CNTROB: variants seen among roughly 807,000 people sequenced by gnomAD.
The protein encoded by CNTROB is centrobin, centriole duplication and spindle assembly protein, also known as centrobin.
In CNTROB, 82 loss-of-function variants were observed where a neutral mutation model predicts 115.7. The observed-to-expected ratio is 0.71, with a 90% CI of 0.59 to 0.85. The LOEUF (loss-of-function observed/expected upper bound fraction) is 0.85, where lower values mean the gene tolerates loss of function less well. Among genes scored for constraint, CNTROB ranks in the 40% least tolerant of loss-of-function variants. CNTROB has a pLI of 0.00. For missense variants in CNTROB, 1,014 were observed against 1,144.4 expected, an observed-to-expected ratio of 0.89 and a Z score of 1.64; for synonymous variants, 439 against 456.4, an observed-to-expected ratio of 0.96 and a Z score of 0.49.
At chr17:7,937,068 G>A (rs769508213) in intron 6 of CNTROB, 96 bp from the exon 7 acceptor site, 53 of 1,470,784 alleles carry the variant, frequency 3.6e-5, no homozygotes, top group Non-Finnish European at 4.8e-5. Context: ...TTAGTTAACT[G>A]TGAAGTTTCA....
chr17:7,949,704 A>G lies in CNTROB; in HGVS notation c.*194A>G. The G allele has an allele frequency of 2.1e-6, 1 of 484,882 alleles. No homozygotes were observed. The highest frequency in any genetic ancestry group is 3.4e-6 in the Non-Finnish European group (1 of 289,924). 30.0% of individuals were successfully genotyped at this position (484,882 alleles called of 1,614,324 possible). A position where few individuals can be genotyped will look rare whatever the true frequency, so the allele number is the denominator to read the frequency against. ...ATGTTTATATGTCATTTCCTGTGGGAAAAGACATGAATGCTTTGGAAGACG... is the reference window on the plus strand; with the variant it reads ...ATGTTTATATGTCATTTCCTGTGGGGAAAGACATGAATGCTTTGGAAGACG... On this transcript the variant is annotated 3_prime_UTR_variant, in exon 19 of 19. Coordinates refer to ENST00000563694, the MANE Select transcript of CNTROB (RefSeq NM_053051.5).
Position 7,944,006 on chromosome 17 carries a change from C to A in CNTROB, c.1446-117C>A. Reference sequence around the variant, plus strand: ...TCCTTGCCGCTTCCTGTGCCATGGCCAGGCTAGCTGACTGGCTATCTGGGT... The same window carrying A: ...TCCTTGCCGCTTCCTGTGCCATGGCAAGGCTAGCTGACTGGCTATCTGGGT... On this transcript the variant is annotated intron_variant, in intron 10 of 18. Coordinates refer to ENST00000563694, the MANE Select transcript of CNTROB (RefSeq NM_053051.5). The surrounding 1 kb of genome is among the most constrained non-coding windows in gnomAD (Gnocchi z 4.0). 2 of 741,432 alleles carry A rather than the reference C, an allele frequency of 2.7e-6. No homozygotes were observed. Among genetic ancestry groups the A allele is most frequent in the Non-Finnish European group, 4.6e-6 (2 of 433,342 alleles). 45.9% of individuals were successfully genotyped at this position (741,432 alleles called of 1,614,324 possible).
intron 1 of CNTROB, among the ~76,000 whole-genome samples, chr17:7,933,582 G>A (rs1385888638): frequency 1.3e-5 from 2 of 152,156 alleles, no homozygotes; most frequent in Non-Finnish European, 2.9e-5. Flanking sequence ...TCTCTGCTCC[G>A]AGTAGATAGA....
intron 9 of CNTROB, among the ~76,000 whole-genome samples, chr17:7,941,033 C>T (rs1973790538): frequency 1.3e-5 from 2 of 152,122 alleles, no homozygotes; most frequent in Admixed American, 1.3e-4. Flanking sequence ...GGCTGTAGTT[C>T]GCCGATCTCC....
chr17:7,946,864 T>C (rs555388405), intron 13 of CNTROB, among the ~76,000 whole-genome samples: 86 of 114,076 alleles, frequency 7.5e-4, no homozygotes, highest in Non-Finnish European at 1.2e-3. Context: ...CAAGACTCTG[T>C]CTCTTAAAAA....
Position 7,944,710 on chromosome 17 carries a change from C to CAAA in CNTROB, c.1734+73_1734+74insAAA. 1 of 1,525,112 alleles carries CAAA rather than the reference C, an allele frequency of 6.6e-7. No individual in the cohort carries two copies. The highest frequency in any genetic ancestry group is 8.8e-7 in the Non-Finnish European group (1 of 1,131,806). The allele number at this position is 1,525,112 out of a possible 1,614,324, so 94.5% of individuals were successfully genotyped here. On this transcript the variant is annotated intron_variant, in intron 12 of 18. Transcript: ENST00000563694. This position sits in a 1 kb window ranked among gnomAD's most constrained non-coding sequence, Gnocchi z 4.0. ...TATTTTTATTTTTGAGACAGGGTCT[C>CAAA]ACTCTTGCCCAGGCTGGAGTGTACT...
At chr17:7,932,120 C>T (rs890541408), upstream of CNTROB, 4 of 496,260 alleles carry the variant, frequency 8.1e-6, no homozygotes, top group Admixed American at 3.5e-5. Flanking sequence ...CGGCCAGGCG[C>T]TCGGGATACA....
chr17:7,946,016 C>G, intron 13 of CNTROB, 30 bp downstream of exon 13: 1 of 1,604,050 alleles, frequency 6.2e-7, no homozygotes, highest in Non-Finnish European at 8.5e-7. Flanking sequence ...ACTGGGGTTC[C>G]CCTTCTGTGC....
At position 7,939,916 on chromosome 17, in the gene CNTROB, T is replaced by C. The variant is rs1973650925; in HGVS notation, c.1164+167T>C. ...AGAGTATAGGGCCAGCAGGAAGGGC[T>C]GGGGGTAATGAATACGTGAAAGGCC... is the stretch of plus-strand genomic sequence containing the variant. On this transcript the variant is annotated intron_variant, in intron 8 of 18. Transcript: ENST00000563694. The surrounding 1 kb of genome is among the most constrained non-coding windows in gnomAD (Gnocchi z 4.4). 1.3e-5 allele frequency among the ~76,000 whole-genome samples: 2 copies of C among 151,966 alleles called. No homozygotes were observed. The highest frequency in any genetic ancestry group is 4.8e-5 in the African/African-American group (2 of 41,346).
intron 9 of CNTROB, among the ~76,000 whole-genome samples, chr17:7,941,219 A>G (rs1359472966): frequency 6.6e-6 from 1 of 152,120 alleles, no homozygotes; most frequent in Non-Finnish European, 1.5e-5. Flanking sequence ...AAATTGATGA[A>G]TTTTCCAGGT....
rs1323931662 is a variant in CNTROB at position 7,948,592 on chromosome 17, T to C, written c.2486T>C (p.Leu829Pro). The C allele has an allele frequency of 1.2e-6, 2 of 1,614,168 alleles. No individual in the cohort carries two copies. Among genetic ancestry groups the C allele is most frequent in the Admixed American group, 1.7e-5 (1 of 60,028 alleles). Residue 829 changes from leucine to proline, a missense_variant, in exon 17 of 19, where the codon CTC (leucine) becomes CCC (proline). Leu to Pro is a moderately conservative substitution (Grantham distance 98). Coordinates refer to ENST00000563694, the MANE Select transcript of CNTROB (RefSeq NM_053051.5). The surrounding 1 kb of genome is among the most constrained non-coding windows in gnomAD (Gnocchi z 4.4). ...WGALPAEDLL[L>P]YLKRLEHSGT... Reference sequence around the variant, plus strand: ...GCTCTGCCTGCTGAGGATCTCCTGCTCTACCTGAAGAGGCTGGAACACAGC... The same window carrying C: ...GCTCTGCCTGCTGAGGATCTCCTGCCCTACCTGAAGAGGCTGGAACACAGC...
rs1273731208 is a variant in CNTROB at position 7,940,197 on chromosome 17, T to G, written c.1266T>G (p.Ala422=). 1 of 1,612,334 alleles carries G rather than the reference T, an allele frequency of 6.2e-7. No homozygotes were observed. Among genetic ancestry groups the G allele is most frequent in the South Asian group, 1.1e-5 (1 of 90,982 alleles). Residue 422 remains alanine, a synonymous_variant, in exon 9 of 19, where the codon GCT becomes GCG. Transcript: ENST00000563694. ...VRRLEGELDT[A]RRERDALQLE... is the part of the protein sequence containing the mutation. Reference sequence around the variant, plus strand: ...GGCTGGAAGGAGAGCTGGATACAGCTCGGAGAGAGAGAGATGCCCTGCAGC... The same window carrying G: ...GGCTGGAAGGAGAGCTGGATACAGCGCGGAGAGAGAGAGATGCCCTGCAGC...
At position 7,934,978 on chromosome 17, in the gene CNTROB, G is replaced by C. The variant is rs757822191; in HGVS notation, c.438-11G>C. 6.4e-7 allele frequency: 1 copy of C among 1,563,692 alleles called. No homozygotes were observed. On this transcript the variant is annotated splice_polypyrimidine_tract_variant and intron_variant, in intron 3 of 18. Transcript: ENST00000563694. ...TTCCCAGCCCTAACATTCTCTACCTGATTTGCTCAGCACCCGGCCCCTGCA... is the reference window on the plus strand; with the variant it reads ...TTCCCAGCCCTAACATTCTCTACCTCATTTGCTCAGCACCCGGCCCCTGCA...
At position 7,948,499 on chromosome 17, in the gene CNTROB, T is replaced by C; in HGVS notation, c.2393T>C (p.Leu798Pro). The C allele has an allele frequency of 6.2e-7, 1 of 1,614,072 alleles. No individual in the cohort carries two copies. The highest frequency in any genetic ancestry group is 1.1e-5 in the South Asian group (1 of 91,074). The change falls in exon 17 of 19, where the codon CTT (leucine) becomes CCT (proline). Residue 798 changes from leucine to proline, a missense_variant. Transcript: ENST00000563694. The surrounding 1 kb of genome is among the most constrained non-coding windows in gnomAD (Gnocchi z 4.4). ...CGATGTCTGTCAGGTGGAGATGGGCTTACATTCCCAAGGCAGCTGATGGAG... is the reference window on the plus strand; with the variant it reads ...CGATGTCTGTCAGGTGGAGATGGGCCTACATTCCCAAGGCAGCTGATGGAG... ...SGSPERGGDGLTFPRQLMEVS... is the reference protein window; with the variant it reads ...SGSPERGGDGPTFPRQLMEVS...
Position 7,948,319 on chromosome 17 carries a change from C to G in CNTROB, c.2372C>G (p.Pro791Arg). The change falls in exon 16 of 19, where the codon CCA becomes CGA. Residue 791 changes from proline to arginine, a missense_variant. Transcript: ENST00000563694. The surrounding 1 kb of genome is among the most constrained non-coding windows in gnomAD (Gnocchi z 4.4). ...SQGSGPSSGS[P>R]ERGGDGLTFP... ...GGCAGTGGTCCCAGCAGTGGTTCCC[C>G]AGAGAGAGGTGAGCATGTTCTGGTT... 6.2e-7 allele frequency: 1 copy of G among 1,614,086 alleles called. No individual in the cohort carries two copies. The highest frequency in any genetic ancestry group is 8.5e-7 in the Non-Finnish European group (1 of 1,179,982).
At chr17:7,938,693 C>T (rs1376359715) in intron 7 of CNTROB, among the ~76,000 whole-genome samples, 1 of 152,202 alleles carries the variant, frequency 6.6e-6, no homozygotes, top group African/African-American at 2.4e-5. Flanking sequence ...AACCAGGATT[C>T]GAACCTGAGA....
rs1297437566 is a variant in CNTROB, at chr17:7,948,454, G to A, written c.2381-33G>A. 1 of 1,612,822 alleles carries A rather than the reference G, an allele frequency of 6.2e-7. No homozygotes were observed. Among genetic ancestry groups the A allele is most frequent in the African/African-American group, 1.3e-5 (1 of 74,912 alleles). On this transcript the variant is annotated intron_variant, in intron 16 of 18. Coordinates refer to ENST00000563694, the MANE Select transcript of CNTROB (RefSeq NM_053051.5). The surrounding 1 kb of genome is among the most constrained non-coding windows in gnomAD (Gnocchi z 4.4). ...TGAGGGCTGGGGAGACAGGCCCTAG[G>A]ATGACGCCTGTGATTATTGCGATGT... is the stretch of plus-strand genomic sequence containing the variant.
rs1424126632 is a variant in CNTROB at position 7,939,901 on chromosome 17, G to A, written c.1164+152G>A. The A allele has an allele frequency of 6.8e-6, 7 of 1,031,846 alleles. No individual in the cohort carries two copies. In the East Asian group the frequency reaches 1.7e-4, roughly 25 times the overall value. The allele number at this position is 1,031,846 out of a possible 1,614,324, so 63.9% of individuals were successfully genotyped here. A position where few individuals can be genotyped will look rare whatever the true frequency, so the allele number is the denominator to read the frequency against. On this transcript the variant is annotated intron_variant, in intron 8 of 18. Coordinates refer to ENST00000563694, the MANE Select transcript of CNTROB (RefSeq NM_053051.5). The surrounding 1 kb of genome is among the most constrained non-coding windows in gnomAD (Gnocchi z 4.4). The stretch of plus-strand genomic sequence containing the variant: ...TGGGAGACAAGGTTGAGAGTATAGG[G>A]CCAGCAGGAAGGGCTGGGGGTAATG...
rs763407588 is a variant in CNTROB at position 7,933,168 on chromosome 17, T to C, written c.89T>C (p.Val30Ala). 4 of 1,613,994 alleles carry C rather than the reference T, an allele frequency of 2.5e-6. No individual in the cohort carries two copies. The African/African-American group carries it at 4.0e-5, about 16-fold the overall frequency. Residue 30 changes from valine (V) to alanine (A), a missense_variant, in exon 1 of 19, where the codon GTG becomes GCG. Physicochemically the swap from Val to Ala is moderately conservative, Grantham distance 64. Transcript: ENST00000563694. ...DSSEPPGLNQ[V>A]SSEVTSQLYA... ...TCAGAACCCCCTGGGCTCAACCAAGTGTCGTCTGAAGTGACCTCCCAGCTC... is the reference window on the plus strand; with the variant it reads ...TCAGAACCCCCTGGGCTCAACCAAGCGTCGTCTGAAGTGACCTCCCAGCTC...
Sources: allele counts gnomAD v4.1 joint callset (sites outside exome capture counted in the v4.1 genomes callset), GRCh38; gene constraint gnomAD v4.1.1; non-coding constraint Gnocchi (gnomAD v3.1); transcripts MANE v1.5; gene names NCBI Gene and HGNC (gene_info 2026-07-23, HGNC 2026-07-21).